TRAK2: variants seen among roughly 807,000 people sequenced by gnomAD.
TRAK2 encodes the protein trafficking kinesin protein 2.
Under a neutral mutation model 104.6 loss-of-function variants are expected in TRAK2, and 81 were observed. The ratio of observed to expected loss-of-function variants is 0.77; its 90% CI spans 0.65 to 0.93. The LOEUF is 0.93. Ranked by LOEUF, TRAK2 falls within the 40% of genes least tolerant of loss-of-function variation. The pLI is 0.00. For synonymous variants in TRAK2, 406 were observed against 394.4 expected (o/e 1.03, Z -0.35); for missense variants, 1,002 against 1,089.0 (o/e 0.92, Z 1.12).
chr2:201,377,374 A>G lies in TRAK2; in HGVS notation c.*3169T>C, dbSNP rs757920077. On this transcript the variant is annotated 3_prime_UTR_variant, in exon 16 of 16. Transcript: ENST00000332624. ...CACTCTGAGGGGGATGTCCTCTGCC[A>G]TGCGACCGCTCAGTTATCACACTGC... The G allele has an allele frequency of 1.3e-5, 2 of 152,252 alleles. No homozygotes were observed. Among genetic ancestry groups the G allele is most frequent in the Non-Finnish European group, 2.9e-5 (2 of 68,046 alleles). 9.4% of individuals were successfully genotyped at this position (152,252 alleles called of 1,614,324 possible). A position where few individuals can be genotyped will look rare whatever the true frequency, so the allele number is the denominator to read the frequency against.
intron 1 of TRAK2, among the ~76,000 whole-genome samples, chr2:201,428,127 A>G (rs1951806554): frequency 1.3e-5 from 2 of 151,668 alleles, no homozygotes; most frequent in South Asian, 4.2e-4. Context: ...TTGCCTGTTC[A>G]CTCTGATGGT....
chr2:201,388,198 A>C (rs1381883159), intron 12 of TRAK2, 197 bp from the exon 13 acceptor site: 1 of 611,594 alleles, frequency 1.6e-6, no homozygotes. Flanking sequence ...GATCATTGCA[A>C]ATGACTTGAA....
At chr2:201,415,605 T>G (rs1951684716) in intron 2 of TRAK2, among the ~76,000 whole-genome samples, 1 of 151,840 alleles carries the variant, frequency 6.6e-6, no homozygotes, top group African/African-American at 2.4e-5. Context: ...CTAGATAAGA[T>G]AAACAGATTA....
Position 201,390,334 on chromosome 2 carries a change from G to C in TRAK2, c.1114-454C>G, listed in dbSNP as rs28602390. On this transcript the variant is annotated intron_variant, in intron 10 of 15. Transcript: ENST00000332624. ...CCAAGGTGGGTGGATCACGAGGTCAGGAGATCGAGACCATCCTGGCTAACA... is the reference window on the plus strand; with the variant it reads ...CCAAGGTGGGTGGATCACGAGGTCACGAGATCGAGACCATCCTGGCTAACA... Among the ~76,000 whole-genome samples the C allele has an allele frequency of 8.5e-3, 1,281 of 151,288 alleles. 26 individuals carry two copies. Among genetic ancestry groups the C allele is most frequent in the African/African-American group, 0.03 (1,230 of 41,244 alleles).
chr2:201,398,322 T>C lies in TRAK2; in HGVS notation c.513A>G (p.Lys171=), dbSNP rs1466878331. Residue 171 remains lysine, a synonymous_variant, in exon 6 of 16, where the codon AAA becomes AAG. Coordinates refer to ENST00000332624, the MANE Select transcript of TRAK2 (RefSeq NM_015049.3). The part of the protein sequence containing the change: ...VNQLQHELCK[K]DELLRIVSIA... Reference sequence around the variant, plus strand: ...TGGAGACGATTCGAAGTAACTCATCTTTCTTGCATAGCTCATGCTGCAGCT... The same window carrying C: ...TGGAGACGATTCGAAGTAACTCATCCTTCTTGCATAGCTCATGCTGCAGCT... 1 of 1,613,640 alleles carries C rather than the reference T, an allele frequency of 6.2e-7. No homozygotes were observed. The highest frequency in any genetic ancestry group is 1.7e-5 in the Admixed American group (1 of 60,002).
chr2:201,409,295 GAGAGA>G (rs1443515508), intron 2 of TRAK2, among the ~76,000 whole-genome samples: 1 of 150,392 alleles, frequency 6.6e-6, no homozygotes, highest in Non-Finnish European at 1.5e-5. Flanking sequence ...TTTTTTTTGA[GAGAGA>G]AGTTTATTAC....
chr2:201,394,910 A>C, intron 8 of TRAK2, 38 bp from the exon 9 acceptor site: 1 of 1,526,358 alleles, frequency 6.6e-7, no homozygotes, highest in Non-Finnish European at 9.0e-7. Context: ...AAGCCTTTCC[A>C]AGTAAAATAT....
chr2:201,424,790 G>A (rs1214634870), intron 1 of TRAK2, among the ~76,000 whole-genome samples: 2 of 150,896 alleles, frequency 1.3e-5, no homozygotes, highest in African/African-American at 4.9e-5. Flanking sequence ...ATTTTTTTTA[G>A]TAGAGACGGG....
At chr2:201,433,994 T>G (rs1162181221) in intron 1 of TRAK2, among the ~76,000 whole-genome samples, 2 of 152,068 alleles carry the variant, frequency 1.3e-5, no homozygotes, top group African/African-American at 2.4e-5. Flanking sequence ...GTCTCGCTCT[T>G]TTGCCCAGGC....
rs774382674 is a variant in TRAK2 at position 201,380,587 on chromosome 2, C to T, written c.2701G>A (p.Val901Ile). 4 of 1,613,966 alleles carry T rather than the reference C, an allele frequency of 2.5e-6. No homozygotes were observed. In the South Asian group the frequency reaches 4.4e-5, roughly 18 times the overall value. ...PVIMGSFAAP[V>I]CTSSPKMGVL... is the part of the protein sequence containing the mutation. ...CCCATTTTGGGTGAGGATGTGCAAA[C>T]TGGGGCAGCAAAGCTACCCATTATG... Residue 901 changes from valine (V) to isoleucine (I), a missense_variant, in exon 16 of 16, where the codon GTT becomes ATT. By Grantham distance (29) the Val-to-Ile change is conservative (BLOSUM62 3). Coordinates refer to ENST00000332624, the MANE Select transcript of TRAK2 (RefSeq NM_015049.3).
chr2:201,425,816 T>C (rs776234272), intron 1 of TRAK2, among the ~76,000 whole-genome samples: 1 of 152,018 alleles, frequency 6.6e-6, no homozygotes, highest in Admixed American at 6.6e-5. Flanking sequence ...AAAAGCAAAG[T>C]ATCTCTCATA....
At chr2:201,443,478 C>T (rs527344997) in intron 1 of TRAK2, among the ~76,000 whole-genome samples, 5 of 152,292 alleles carry the variant, frequency 3.3e-5, no homozygotes, top group South Asian at 2.1e-4. Context: ...ACTGTGACCA[C>T]GTTTTGTATT....
At chr2:201,437,716 T>C (rs747638467) in intron 1 of TRAK2, among the ~76,000 whole-genome samples, 1 of 127,410 alleles carries the variant, frequency 7.8e-6, no homozygotes, top group African/African-American at 4.0e-5. Flanking sequence ...TCCGTGGCCA[T>C]AGTTTCCTAC....
At chr2:201,412,121 G>A (rs1317737162) in intron 2 of TRAK2, 12 of 1,060,464 alleles carry the variant, frequency 1.1e-5, no homozygotes, top group Non-Finnish European at 1.8e-5. Flanking sequence ...TTCTTCTTTG[G>A]TGCATTCCTC....
At chr2:201,446,849 T>C (rs1951968599) in intron 1 of TRAK2, among the ~76,000 whole-genome samples, 1 of 152,266 alleles carries the variant, frequency 6.6e-6, no homozygotes, top group Non-Finnish European at 1.5e-5. Context: ...TTCTGATAGT[T>C]GTATAAAGCT....
In TRAK2 at chr2:201,403,623, G is replaced by A. The variant is rs143310421; in HGVS notation, c.287-2529C>T. ...TATCTATAAATATCTATATTCAACA[G>A]AGCCTGAAAGGATATACATTAAAAT... On this transcript the variant is annotated intron_variant, in intron 3 of 15. Coordinates refer to ENST00000332624, the MANE Select transcript of TRAK2 (RefSeq NM_015049.3). 3.0e-4 allele frequency among the ~76,000 whole-genome samples: 46 copies of A among 152,046 alleles called. No homozygotes were observed. The East Asian group carries it at 8.9e-3, about 29-fold the overall frequency.
At chr2:201,426,060 C>G (rs1232913304) in intron 1 of TRAK2, among the ~76,000 whole-genome samples, 1 of 152,176 alleles carries the variant, frequency 6.6e-6, no homozygotes, top group Non-Finnish European at 1.5e-5. Flanking sequence ...CATCTTTGTT[C>G]TACAGCAGGG....
Position 201,392,928 on chromosome 2 carries a change from G to A in TRAK2, c.1094C>T (p.Ser365Leu), listed in dbSNP as rs1472562249. 1.2e-6 allele frequency: 2 copies of A among 1,612,408 alleles called. No homozygotes were observed. The highest frequency in any genetic ancestry group is 1.7e-6 in the Non-Finnish European group (2 of 1,179,448). ...GCTTACCCCAGTAAAAGCTCCATAT[G>A]ATTGGGAGAAGTAGAGATGAGCAGT... ...GPTAHLYFSQ[S>L]YGAFTGESLA... is the part of the protein sequence containing the mutation. The change falls in exon 10 of 16, where the codon TCA becomes TTA. Residue 365 changes from serine to leucine, a missense_variant. Coordinates refer to ENST00000332624, the MANE Select transcript of TRAK2 (RefSeq NM_015049.3).
intron 2 of TRAK2, chr2:201,410,414 T>G: frequency 1.8e-6 from 1 of 570,148 alleles, no homozygotes; most frequent in Non-Finnish European, 3.1e-6. Flanking sequence ...TATGCTGGCA[T>G]GGACACAGAT....
Sources: allele counts gnomAD v4.1 joint callset (sites outside exome capture counted in the v4.1 genomes callset), GRCh38; gene constraint gnomAD v4.1.1; transcripts MANE v1.5; gene names NCBI Gene and HGNC (gene_info 2026-07-23, HGNC 2026-07-21).